The following BTF3 variants were observed in gnomAD, a reference collection of about 807,000 sequenced individuals.
The protein encoded by BTF3 is transcription factor BTF3.
BTF3 carries 12 observed loss-of-function variants against 23.9 expected under a neutral mutation model. The observed-to-expected ratio is 0.50, with a 90% CI of 0.32 to 0.81. BTF3 has a LOEUF of 0.81. BTF3 is among the 40% of genes least tolerant of loss of function. The pLI, the probability that BTF3 is intolerant of heterozygous loss-of-function variation, is 0.03. For synonymous variants in BTF3, 96 were observed against 94.8 expected (o/e 1.01, Z -0.07); for missense variants, 215 against 255.9 (o/e 0.84, Z 1.09).
intron 5 of BTF3, chr5:73,504,817 G>T (rs1014751917): frequency 9.2e-6 from 2 of 217,740 alleles, no homozygotes; most frequent in East Asian, 2.6e-4. Flanking sequence ...TGGGAATCAT[G>T]AGACATTTTT....
At position 73,498,483 on chromosome 5, in the gene BTF3, A is replaced by T. The variant is rs1279058826; in HGVS notation, c.-185A>T. On this transcript the variant is annotated 5_prime_UTR_variant, in exon 1 of 6. Coordinates refer to ENST00000380591, the MANE Select transcript of BTF3 (RefSeq NM_001037637.2). ...TTGCGTCCCCGCGTGTGTGCGCCTA[A>T]TCTCAGGTGGTCCACCCGAGACCCC... 1 of 766,374 alleles carries T rather than the reference A, an allele frequency of 1.3e-6. No individual in the cohort carries two copies. The highest frequency in any genetic ancestry group is 1.9e-6 in the Non-Finnish European group (1 of 536,738). The allele number at this position is 766,374 out of a possible 1,614,324, so 47.5% of individuals were successfully genotyped here.
In BTF3 at chr5:73,499,211, T is replaced by C. The variant is rs556919645; in HGVS notation, c.201+9T>C. 9 of 1,611,868 alleles carry C rather than the reference T, an allele frequency of 5.6e-6. No individual in the cohort carries two copies. The East Asian group carries it at 1.8e-4, about 32-fold the overall frequency. The stretch of plus-strand genomic sequence containing the variant: ...TGCGCATTGGTGGGAAAGTAAGTTT[T>C]AATAGTTCGGGTTTGTGGGTTTTTT... On this transcript the variant is annotated intron_variant, in intron 2 of 5. Transcript: ENST00000380591.
chr5:73,502,731 A>G (rs1746467587), intron 3 of BTF3, 130 bp downstream of exon 3: 1 of 828,002 alleles, frequency 1.2e-6, no homozygotes, highest in Non-Finnish European at 1.9e-6. Context: ...TGTTTCTACC[A>G]TAAATTAATA....
At chr5:73,503,720 G>C (rs1746491735) in intron 4 of BTF3, among the ~76,000 whole-genome samples, 1 of 152,142 alleles carries the variant, frequency 6.6e-6, no homozygotes, top group South Asian at 2.1e-4. Context: ...GACTTAATCT[G>C]CCTCAATTTT....
intron 4 of BTF3, among the ~76,000 whole-genome samples, chr5:73,503,725 A>G (rs1197685663): frequency 6.6e-6 from 1 of 152,130 alleles, no homozygotes; most frequent in Non-Finnish European, 1.5e-5. Flanking sequence ...AATCTGCCTC[A>G]ATTTTCATTT....
intron 4 of BTF3, among the ~76,000 whole-genome samples, chr5:73,503,916 C>T (rs551179028): frequency 6.6e-6 from 1 of 152,196 alleles, no homozygotes; most frequent in South Asian, 2.1e-4. Flanking sequence ...AATTTTTTTA[C>T]TTTAACTTTT....
chr5:73,503,282 A>G (rs1746482228), intron 4 of BTF3, among the ~76,000 whole-genome samples, 165 bp downstream of exon 4: 3 of 152,256 alleles, frequency 2.0e-5, no homozygotes, highest in Admixed American at 1.3e-4. Flanking sequence ...TCAAGTTTGC[A>G]GTAATTGATG....
intron 2 of BTF3, 38 bp from the exon 3 acceptor site, chr5:73,502,450 A>C: frequency 7.1e-7 from 1 of 1,415,258 alleles, no homozygotes; most frequent in Non-Finnish European, 9.7e-7. Flanking sequence ...GTTGTGGTAT[A>C]AATGTGCTGT....
chr5:73,499,306 C>T (rs1238073901), intron 2 of BTF3, 104 bp downstream of exon 2: 1 of 1,274,304 alleles, frequency 7.8e-7, no homozygotes, highest in Admixed American at 1.9e-5. Context: ...ACAAACTTTG[C>T]CTATCGAGGG....
intron 2 of BTF3, 48 bp from the exon 3 acceptor site, chr5:73,502,440 G>C: frequency 7.7e-7 from 1 of 1,303,472 alleles, no homozygotes; most frequent in Non-Finnish European, 1.1e-6. Flanking sequence ...AAAAATATCT[G>C]TTGTGGTATA....
intron 5 of BTF3, among the ~76,000 whole-genome samples, 170 bp from the exon 6 acceptor site, chr5:73,505,022 G>A (rs1012613482): frequency 6.0e-5 from 8 of 133,790 alleles, no homozygotes; most frequent in East Asian, 2.4e-4. Context: ...ATGGGAAGAG[G>A]GGGGCATTTT....
intron 2 of BTF3, among the ~76,000 whole-genome samples, chr5:73,501,770 T>C (rs537990546): frequency 1.4e-4 from 22 of 152,202 alleles, no homozygotes; most frequent in Non-Finnish European, 1.6e-4. Context: ...CTTCAGACTT[T>C]ACTATCGAGT....
chr5:73,501,943 G>A (rs141950768), intron 2 of BTF3, among the ~76,000 whole-genome samples: 1,746 of 152,082 alleles, frequency 0.011, 26 homozygotes, highest in African/African-American at 0.04. Flanking sequence ...CGAGGCAGGC[G>A]GATCACTTGA....
intron 2 of BTF3, chr5:73,499,517 T>G: frequency 4.9e-6 from 2 of 406,032 alleles, no homozygotes; most frequent in East Asian, 5.9e-5. Context: ...GTGCACATCA[T>G]ACCCTTGACT....
intron 2 of BTF3, chr5:73,499,569 C>T (rs766024537): frequency 5.5e-6 from 2 of 361,928 alleles, no homozygotes; most frequent in Non-Finnish European, 1.1e-5. Flanking sequence ...TTGTTTGTCT[C>T]TCTTGTAAAT....
intron 2 of BTF3, 86 bp downstream of exon 2, chr5:73,499,288 T>G: frequency 7.1e-7 from 1 of 1,404,852 alleles, no homozygotes. Flanking sequence ...CTTCTTATAT[T>G]ATCGGTGACA....
At chr5:73,500,218 T>C (rs1350013861) in intron 2 of BTF3, among the ~76,000 whole-genome samples, 1 of 152,204 alleles carries the variant, frequency 6.6e-6, no homozygotes, top group African/African-American at 2.4e-5. Context: ...CCCACACATT[T>C]AACAACATTA....
chr5:73,502,537 A>G lies in BTF3; in HGVS notation c.251A>G (p.Asp84Gly). ...KKVVHRTATA[D>G]DKKLQFSLKK... ...GTGGTTCATAGAACAGCCACAGCAG[A>G]TGACAAAAAACTTCAGTTCTCCTTA... is the stretch of plus-strand genomic sequence containing the variant. Residue 84 changes from aspartate (D) to glycine (G), a missense_variant, in exon 3 of 6, where the codon GAT becomes GGT. Physicochemically the swap from Asp to Gly is moderately conservative, Grantham distance 94. Coordinates refer to ENST00000380591, the MANE Select transcript of BTF3 (RefSeq NM_001037637.2). 6.2e-6 allele frequency: 10 copies of G among 1,610,920 alleles called. No individual in the cohort carries two copies. Among genetic ancestry groups the G allele is most frequent in the Non-Finnish European group, 8.5e-6 (10 of 1,179,376 alleles).
chr5:73,504,264 G>GTTTTTTTTTTTTTT (rs1746503271), intron 4 of BTF3, 83 bp from the exon 5 acceptor site: 1 of 405,982 alleles, frequency 2.5e-6, no homozygotes, highest in African/African-American at 4.8e-5. Context: ...CATTTCATCT[G>GTTTTTTTTTTTTTT]TTCTTTTTTT....
Sources: allele counts gnomAD v4.1 joint callset (sites outside exome capture counted in the v4.1 genomes callset), GRCh38; gene constraint gnomAD v4.1.1; transcripts MANE v1.5; gene names NCBI Gene and HGNC (gene_info 2026-07-23, HGNC 2026-07-21).